SIAH3: variants seen among roughly 807,000 people sequenced by gnomAD.
The protein encoded by SIAH3 is seven in absentia homolog 3.
Under a neutral mutation model 12.6 loss-of-function variants are expected in SIAH3, and 9 were observed. That is an observed-to-expected ratio of 0.72 (90% CI 0.43 to 1.25). The LOEUF (loss-of-function observed/expected upper bound fraction) is 1.25. Ranked by LOEUF, SIAH3 falls within the 50% of genes most tolerant of loss-of-function variation. SIAH3 has a pLI of 0.00. For missense variants in SIAH3, 390 were observed against 365.4 expected (o/e 1.07, Z -0.55); for synonymous variants, 154 against 151.1 (o/e 1.02, Z -0.14).
intron 1 of SIAH3, among the ~76,000 whole-genome samples, chr13:45,839,650 G>A (rs1950732699): frequency 6.6e-6 from 1 of 151,934 alleles, no homozygotes; most frequent in Non-Finnish European, 1.5e-5. Flanking sequence ...GGCTAACACG[G>A]TGAAACCCCA....
chr13:45,820,008 G>A (rs1044948194), intron 1 of SIAH3, among the ~76,000 whole-genome samples: 7 of 152,208 alleles, frequency 4.6e-5, no homozygotes, highest in Admixed American at 2.6e-4. Context: ...AAGGAACGCC[G>A]TGTCCTCACA....
At chr13:45,808,768 G>A (rs892175151) in intron 1 of SIAH3, among the ~76,000 whole-genome samples, 4 of 151,932 alleles carry the variant, frequency 2.6e-5, no homozygotes, top group Non-Finnish European at 5.9e-5. Flanking sequence ...CTCAACACTG[G>A]GCACAGTAGG....
chr13:45,824,190 A>G (rs1449409788), intron 1 of SIAH3, among the ~76,000 whole-genome samples: 1 of 152,254 alleles, frequency 6.6e-6, no homozygotes, highest in Non-Finnish European at 1.5e-5. Flanking sequence ...CTTCAGTTAA[A>G]AAATTATACA....
chr13:45,849,557 G>A (rs1401602693), intron 1 of SIAH3, among the ~76,000 whole-genome samples: 2 of 152,192 alleles, frequency 1.3e-5, no homozygotes, highest in Admixed American at 6.5e-5. Context: ...TTTAAAAGGT[G>A]AGGAAGGGAA....
chr13:45,824,607 G>A (rs1344186551), intron 1 of SIAH3, among the ~76,000 whole-genome samples: 1 of 152,124 alleles, frequency 6.6e-6, no homozygotes, highest in Non-Finnish European at 1.5e-5. Flanking sequence ...CCAACATGCA[G>A]GTGGAGTTGA....
At position 45,783,399 on chromosome 13, in the gene SIAH3, G is replaced by T. The variant is rs779453414; in HGVS notation, c.794C>A (p.Ser265Ter). 1 of 1,610,856 alleles carries T rather than the reference G, an allele frequency of 6.2e-7. No homozygotes were observed. The highest frequency in any genetic ancestry group is 8.5e-7 in the Non-Finnish European group (1 of 1,177,494). The change falls in exon 2 of 2, where the codon TCA becomes TAA. Residue 265 changes from serine to a stop codon, truncating the protein, a stop_gained. Coordinates refer to ENST00000400405, the MANE Select transcript of SIAH3 (RefSeq NM_198849.3). LOFTEE classifies it high-confidence loss of function. ...CTCCTGGCCTCACATTTCAGCTTCT[G>T]AGGGGAGGACCTCTGTCGCGGTGAT... ...IAITATEVLP[S>*]EAEM
rs1426717096 is a variant in SIAH3 at position 45,778,915 on chromosome 13, C to T, written c.*4468G>A. ...CGTTTTATATAAGGGACTTGAGCATCTTCAGATTTTAGTGTCCACGAGATT... is the reference window on the plus strand; with the variant it reads ...CGTTTTATATAAGGGACTTGAGCATTTTCAGATTTTAGTGTCCACGAGATT... On this transcript the variant is annotated 3_prime_UTR_variant, in exon 2 of 2. Coordinates refer to ENST00000400405, the MANE Select transcript of SIAH3 (RefSeq NM_198849.3). The T allele has an allele frequency of 6.6e-6, 1 of 152,132 alleles. No homozygotes were observed. Among genetic ancestry groups the T allele is most frequent in the Non-Finnish European group, 1.5e-5 (1 of 68,032 alleles). The allele number at this position is 152,132 out of a possible 1,614,324, so 9.4% of individuals were successfully genotyped here. A position where few individuals can be genotyped will look rare whatever the true frequency, so the allele number is the denominator to read the frequency against.
intron 1 of SIAH3, among the ~76,000 whole-genome samples, chr13:45,843,034 C>CTGTGTGTGTGTGTG (rs55772614): frequency 1.2e-4 from 17 of 139,186 alleles, no homozygotes; most frequent in African/African-American, 3.7e-4. Context: ...CTCTCTCTCT[C>CTGTGTGTGTGTGTG]TGTGTGTGTG....
chr13:45,807,258 A>C (rs575670586), intron 1 of SIAH3, among the ~76,000 whole-genome samples: 1 of 149,880 alleles, frequency 6.7e-6, no homozygotes, highest in South Asian at 2.1e-4. Context: ...ACAAGATTGT[A>C]ATAAATACAC....
At chr13:45,810,933 A>G (rs1258310593) in intron 1 of SIAH3, among the ~76,000 whole-genome samples, 1 of 152,166 alleles carries the variant, frequency 6.6e-6, no homozygotes, top group African/African-American at 2.4e-5. Context: ...TTGCATACCC[A>G]TATCTGTTGG....
intron 1 of SIAH3, among the ~76,000 whole-genome samples, chr13:45,796,473 G>A (rs77113291): frequency 0.013 from 2,028 of 152,312 alleles, 65 homozygotes; most frequent in African/African-American, 0.047. Flanking sequence ...ATGGGGATGA[G>A]AGTCAGATCA....
intron 1 of SIAH3, among the ~76,000 whole-genome samples, chr13:45,785,381 C>G (rs4942442): frequency 6.6e-6 from 1 of 152,132 alleles, no homozygotes; most frequent in Non-Finnish European, 1.5e-5. Flanking sequence ...GCCTCCTCAC[C>G]CTGCTTCAGT....
chr13:45,844,797 A>G (rs1381460856), intron 1 of SIAH3, among the ~76,000 whole-genome samples: 1 of 152,230 alleles, frequency 6.6e-6, no homozygotes, highest in African/African-American at 2.4e-5. Context: ...AAATGCTGTG[A>G]TAAGTTAAGT....
intron 1 of SIAH3, among the ~76,000 whole-genome samples, chr13:45,821,788 C>CG (rs1453687513): frequency 1.7e-4 from 26 of 152,292 alleles, no homozygotes; most frequent in African/African-American, 3.9e-4. Flanking sequence ...AAAAGGCAGT[C>CG]AAGAGACAGT....
intron 1 of SIAH3, among the ~76,000 whole-genome samples, chr13:45,822,918 G>A (rs1480787816): frequency 7.0e-6 from 1 of 142,622 alleles, no homozygotes; most frequent in Non-Finnish European, 1.5e-5. Context: ...ATGAGGAAAT[G>A]AAGAACAAAG....
At chr13:45,826,369 A>ATGGTTAGGTAGG in intron 1 of SIAH3, among the ~76,000 whole-genome samples, 1 of 80,870 alleles carries the variant, frequency 1.2e-5, no homozygotes, top group African/African-American at 4.0e-5. Flanking sequence ...GGATGGATGG[A>ATGGTTAGGTAGG]TGGATGAATG....
At chr13:45,820,729 G>T (rs980924790) in intron 1 of SIAH3, among the ~76,000 whole-genome samples, 1 of 152,088 alleles carries the variant, frequency 6.6e-6, no homozygotes, top group Non-Finnish European at 1.5e-5. Flanking sequence ...GCAGTTTCTG[G>T]GTTACCTGGG....
chr13:45,783,363 A>C lies in SIAH3; in HGVS notation c.*20T>G, dbSNP rs1343317525. On this transcript the variant is annotated 3_prime_UTR_variant, in exon 2 of 2. Transcript: ENST00000400405. Reference sequence around the variant, plus strand: ...CGTTTCCTAGGGAGGCTGTGTGGGGAGCATCCGTGGCTCCTGGCCTCACAT... The same window carrying C: ...CGTTTCCTAGGGAGGCTGTGTGGGGCGCATCCGTGGCTCCTGGCCTCACAT... 2 of 1,591,706 alleles carry C rather than the reference A, an allele frequency of 1.3e-6. No individual in the cohort carries two copies. Among genetic ancestry groups the C allele is most frequent in the Admixed American group, 1.7e-5 (1 of 59,242 alleles).
At chr13:45,800,170 C>G (rs74555790) in intron 1 of SIAH3, among the ~76,000 whole-genome samples, 3,152 of 152,286 alleles carry the variant, frequency 0.021, 103 homozygotes, top group African/African-American at 0.07. Flanking sequence ...TTGGCGTGTA[C>G]TTCTTTCAAT....
Sources: allele counts gnomAD v4.1 joint callset (sites outside exome capture counted in the v4.1 genomes callset), GRCh38; gene constraint gnomAD v4.1.1; transcripts MANE v1.5; gene names NCBI Gene and HGNC (gene_info 2026-07-23, HGNC 2026-07-21).